XCL2: variants seen among roughly 807,000 people sequenced by gnomAD.
XCL2 encodes X-C motif chemokine ligand 2.
XCL2 carries 8 observed loss-of-function variants against 7.2 expected under a neutral mutation model. That is an observed-to-expected ratio of 1.10 (90% CI 0.65 to 1.99). The LOEUF (loss-of-function observed/expected upper bound fraction) is 1.99, where lower values mean the gene tolerates loss of function less well. Among genes scored for constraint, XCL2 ranks in the 30% most tolerant of loss-of-function variants. The pLI, the probability that XCL2 is intolerant of heterozygous loss-of-function variation, is 0.00. For missense variants in XCL2, 131 were observed against 138.6 expected, an observed-to-expected ratio of 0.94 and a Z score of 0.28; for synonymous variants, 46 against 54.2, an observed-to-expected ratio of 0.85 and a Z score of 0.67.
In XCL2 at chr1:168,541,125, A is replaced by G. The variant is rs750288881; in HGVS notation, c.177-5T>C. On this transcript the variant is annotated splice_region_variant and splice_polypyrimidine_tract_variant and intron_variant, in intron 2 of 2. Coordinates refer to ENST00000367819, the MANE Select transcript of XCL2 (RefSeq NM_003175.4). Reference sequence around the variant, plus strand: ...AGGCCACGTTTGGTAATAAAACTGTAACGCAAGGAAAAGACAGATGAAGTT... The same window carrying G: ...AGGCCACGTTTGGTAATAAAACTGTGACGCAAGGAAAAGACAGATGAAGTT... 1 of 1,613,294 alleles carries G rather than the reference A, an allele frequency of 6.2e-7. No individual in the cohort carries two copies. The highest frequency in any genetic ancestry group is 2.2e-5 in the East Asian group (1 of 44,870).
In XCL2 at chr1:168,542,105, C is replaced by T. The variant is rs753398601; in HGVS notation, c.64G>A (p.Val22Ile). ...CTCCTATGTGAGACTTCACTCCCTACACCTGATGAGGAAAAAAAAACAACA... is the reference window on the plus strand; with the variant it reads ...CTCCTATGTGAGACTTCACTCCCTATACCTGATGAGGAAAAAAAAACAACA... ...CSLTAYIVEG[V>I]GSEVSHRRTC... Residue 22 changes from valine to isoleucine, a missense_variant and splice_region_variant, in exon 2 of 3, where the codon GTA becomes ATA. Transcript: ENST00000367819. 2 of 1,491,848 alleles carry T rather than the reference C, an allele frequency of 1.3e-6. No individual in the cohort carries two copies. Among genetic ancestry groups the T allele is most frequent in the Admixed American group, 2.2e-5 (1 of 46,034 alleles). 92.4% of individuals were successfully genotyped at this position (1,491,848 alleles called of 1,614,324 possible).
At chr1:168,541,505 A>T (rs1163192171) in intron 2 of XCL2, among the ~76,000 whole-genome samples, 1 of 152,102 alleles carries the variant, frequency 6.6e-6, no homozygotes, top group Non-Finnish European at 1.5e-5. Flanking sequence ...CTTTAGAGCA[A>T]AGCTTGCAAT....
chr1:168,541,671 G>C (rs893811118), intron 2 of XCL2, among the ~76,000 whole-genome samples: 2 of 152,094 alleles, frequency 1.3e-5, no homozygotes, highest in Non-Finnish European at 2.9e-5. Flanking sequence ...CTCCAGTGAG[G>C]CTTGCAGGGA....
chr1:168,543,802 A>G lies in XCL2; in HGVS notation c.61+102T>C, dbSNP rs375374312. On this transcript the variant is annotated intron_variant, in intron 1 of 2. Transcript: ENST00000367819. The stretch of plus-strand genomic sequence containing the variant: ...CATGGGAAGTTTAAGGCTCCCCTGG[A>G]GACAGCAGTTTAGTCCAGTCAAAAC... The G allele has an allele frequency of 1.7e-3, 2,607 of 1,550,468 alleles. 2 individuals are homozygous for G. The highest frequency in any genetic ancestry group is 4.7e-3 in the Middle Eastern group (28 of 5,898).
rs1654258511 is a variant in XCL2 at position 168,540,810 on chromosome 1, C to T, written c.*142G>A. Reference sequence around the variant, plus strand: ...ATTAATTAGAACATATAAGTGAATACAGAAGACATTTAAAAGTAAAAATAC... The same window carrying T: ...ATTAATTAGAACATATAAGTGAATATAGAAGACATTTAAAAGTAAAAATAC... On this transcript the variant is annotated 3_prime_UTR_variant, in exon 3 of 3. Coordinates refer to ENST00000367819, the MANE Select transcript of XCL2 (RefSeq NM_003175.4). 2 of 1,009,366 alleles carry T rather than the reference C, an allele frequency of 2.0e-6. No individual in the cohort carries two copies. The highest frequency in any genetic ancestry group is 2.7e-5 in the East Asian group (1 of 37,344). 62.5% of individuals were successfully genotyped at this position (1,009,366 alleles called of 1,614,324 possible).
intron 1 of XCL2, chr1:168,543,348 C>A: frequency 4.9e-6 from 1 of 202,188 alleles, no homozygotes; most frequent in Non-Finnish European, 1.0e-5. Flanking sequence ...CTGTCGCCTT[C>A]ACACAGGTTT....
chr1:168,543,086 C>T (rs1654325177), intron 1 of XCL2: 1 of 375,636 alleles, frequency 2.7e-6, no homozygotes, highest in African/African-American at 2.1e-5. Flanking sequence ...ACTGTTGGCC[C>T]AGGCTGAGAA....
chr1:168,541,934 A>C, intron 2 of XCL2, 59 bp downstream of exon 2: 7 of 1,515,808 alleles, frequency 4.6e-6, no homozygotes, highest in South Asian at 3.7e-5. Context: ...ATTTCTATAG[A>C]GTGTATTTCT....
At chr1:168,543,820 G>A (rs1185427952) in intron 1 of XCL2, 84 bp downstream of exon 1, 143 of 1,598,556 alleles carry the variant, frequency 8.9e-5, no homozygotes, top group Non-Finnish European at 1.2e-4. Context: ...GTTTAGTCCA[G>A]TCAAAACCCG....
rs774763818 is a variant in XCL2 at position 168,541,092 on chromosome 1, A to T, written c.205T>A (p.Cys69Ser). 48 of 1,613,536 alleles carry T rather than the reference A, an allele frequency of 3.0e-5. No individual in the cohort carries two copies. Among genetic ancestry groups the T allele is most frequent in the Non-Finnish European group, 3.8e-5 (45 of 1,179,688 alleles). ...IFITKRGLKV[C>S]ADPQATWVRD... ...ACCCACGTGGCTTGTGGATCAGCAC[A>T]GACTTTTAGGCCACGTTTGGTAATA... The change falls in exon 3 of 3, where the codon TGT becomes AGT. Residue 69 changes from cysteine (C) to serine (S), a missense_variant. Transcript: ENST00000367819.
At chr1:168,543,770 T>C in intron 1 of XCL2, 134 bp downstream of exon 1, 4 of 1,165,860 alleles carry the variant, frequency 3.4e-6, no homozygotes. Context: ...ATCATTCCTT[T>C]CTTGCACATG....
At position 168,542,030 on chromosome 1, in the gene XCL2, T is replaced by C. The variant is rs767305180; in HGVS notation, c.139A>G (p.Thr47Ala). Residue 47 changes from threonine (T) to alanine (A), a missense_variant, in exon 2 of 3, where the codon ACC (threonine) becomes GCC (alanine). Transcript: ENST00000367819. ...TQRLPVSRIK[T>A]YTITEGSLRA... ...AAGGAGCCTTCCGTGATGGTGTAGG[T>C]CTTGATTCTGCTAACTGGCAGTCGC... is the stretch of plus-strand genomic sequence containing the variant. The C allele has an allele frequency of 6.2e-7, 1 of 1,606,678 alleles. No individual in the cohort carries two copies. Among genetic ancestry groups the C allele is most frequent in the Non-Finnish European group, 8.5e-7 (1 of 1,176,602 alleles).
chr1:168,543,122 C>T (rs1326634848), intron 1 of XCL2: 1 of 340,400 alleles, frequency 2.9e-6, no homozygotes, highest in Non-Finnish European at 5.5e-6. Context: ...AGGGGTTGTC[C>T]CCACTAGGAA....
At chr1:168,542,214 C>T in intron 1 of XCL2, 107 bp from the exon 2 acceptor site, 1 of 989,504 alleles carries the variant, frequency 1.0e-6, no homozygotes, top group Non-Finnish European at 1.4e-6. Flanking sequence ...GAATATAAGG[C>T]CATTTGCTTT....
chr1:168,540,986 T>C lies in XCL2; in HGVS notation c.311A>G (p.Gln104Arg). ...MIQTKPTGTQ[Q>R]STNTAVTLTG is the part of the protein sequence containing the mutation. ...CAGGGTCACAGCTGTATTGGTCGAT[T>C]GCTGGGTTCCTGTTGGCTTGGTCTG... The change falls in exon 3 of 3, where the codon CAA (glutamine) becomes CGA (arginine). Residue 104 changes from glutamine to arginine, a missense_variant. Gln to Arg is a conservative substitution (Grantham distance 43). Transcript: ENST00000367819. 1.2e-6 allele frequency: 2 copies of C among 1,613,658 alleles called. No homozygotes were observed. Among genetic ancestry groups the C allele is most frequent in the Non-Finnish European group, 1.7e-6 (2 of 1,179,692 alleles).
At chr1:168,542,617 A>G (rs1287762874) in intron 1 of XCL2, 1 of 158,170 alleles carries the variant, frequency 6.3e-6, no homozygotes, top group Non-Finnish European at 1.4e-5. Context: ...ATGCGTGAAG[A>G]GTACTCTAGG....
Position 168,541,059 on chromosome 1 carries a change from C to G in XCL2, c.238G>C (p.Val80Leu), listed in dbSNP as rs143951866. 3 of 1,613,686 alleles carry G rather than the reference C, an allele frequency of 1.9e-6. No individual in the cohort carries two copies. The highest frequency in any genetic ancestry group is 2.5e-6 in the Non-Finnish European group (3 of 1,179,724). The stretch of plus-strand genomic sequence containing the variant: ...GATTTCCTGTCCATGCTCCTGACCA[C>G]GTCTCTCACCCACGTGGCTTGTGGA... ...ADPQATWVRDVVRSMDRKSNT... is the reference protein window; with the variant it reads ...ADPQATWVRDLVRSMDRKSNT... The change falls in exon 3 of 3, where the codon GTG becomes CTG. Residue 80 changes from valine to leucine, a missense_variant. Transcript: ENST00000367819.
At chr1:168,543,619 T>A (rs1218209967) in intron 1 of XCL2, among the ~76,000 whole-genome samples, 1 of 141,374 alleles carries the variant, frequency 7.1e-6, no homozygotes, top group Admixed American at 7.5e-5. Flanking sequence ...CTTATTCTAT[T>A]CAGTTTATAC....
intron 1 of XCL2, 79 bp from the exon 2 acceptor site, chr1:168,542,186 A>G: frequency 8.0e-7 from 1 of 1,255,838 alleles, no homozygotes; most frequent in East Asian, 2.7e-5. Context: ...CTGTTAAATT[A>G]CTCTGAGAAT....
Sources: gnomAD v4.1 joint callset for allele counts (sites outside exome capture counted in the v4.1 genomes callset) on GRCh38, gnomAD v4.1.1 for gene constraint, MANE v1.5 for transcripts, NCBI Gene and HGNC (gene_info 2026-07-23, HGNC 2026-07-21) for gene names.